DHRS12: variants seen among roughly 807,000 people sequenced by gnomAD.
DHRS12 encodes dehydrogenase/reductase 12.
DHRS12 carries 29 observed loss-of-function variants against 32.1 expected under a neutral mutation model. The observed-to-expected ratio is 0.90, with a 90% CI of 0.67 to 1.23. The LOEUF (loss-of-function observed/expected upper bound fraction) is 1.23, where lower values mean the gene tolerates loss of function less well. Among genes scored for constraint, DHRS12 ranks in the 50% most tolerant of loss-of-function variants. The probability of loss-of-function intolerance (pLI) is 0.00; values close to 1 mark genes in which losing one functional copy is unlikely to be tolerated. For missense variants in DHRS12, 330 were observed against 337.2 expected (o/e 0.98, Z 0.17); for synonymous variants, 150 against 135.9 (o/e 1.10, Z -0.72).
intron 2 of DHRS12, among the ~76,000 whole-genome samples, chr13:51,793,342 C>T (rs984331530): frequency 1.3e-5 from 2 of 152,178 alleles, no homozygotes; most frequent in Non-Finnish European, 2.9e-5. Context: ...AACCTACAGA[C>T]GAGGATCTGA....
intron 4 of DHRS12, among the ~76,000 whole-genome samples, chr13:51,787,838 CATATA>C (rs1260159139): frequency 3.7e-5 from 4 of 108,030 alleles, no homozygotes; most frequent in Non-Finnish European, 7.3e-5. Context: ...ATTATATAAA[CATATA>C]ATATATAATT....
chr13:51,779,103 G>C (rs555172135), intron 4 of DHRS12, among the ~76,000 whole-genome samples: 13 of 152,094 alleles, frequency 8.5e-5, no homozygotes, highest in Non-Finnish European at 1.5e-4. Context: ...CCATGCCAAG[G>C]AGAAGGAAGG....
At chr13:51,778,730 G>A (rs1362723773) in intron 4 of DHRS12, among the ~76,000 whole-genome samples, 1 of 152,038 alleles carries the variant, frequency 6.6e-6, no homozygotes, top group Non-Finnish European at 1.5e-5. Context: ...CCTGGGAGGT[G>A]CTCAGCTCTC....
At chr13:51,777,004 C>T (rs1252043655) in intron 5 of DHRS12, 56 bp downstream of exon 5, 43 of 1,608,540 alleles carry the variant, frequency 2.7e-5, no homozygotes, top group Non-Finnish European at 3.4e-5. Context: ...GGCCCACTGA[C>T]TTCCCATCAG....
At chr13:51,767,048 T>G (rs910434289), downstream of DHRS12, 1 of 152,280 alleles carries the variant, frequency 6.6e-6, no homozygotes, top group African/African-American at 2.4e-5. Flanking sequence ...CTTTTTCTTG[T>G]GCTTAGTAAA....
chr13:51,791,283 A>G, intron 2 of DHRS12, 26 bp from the exon 3 acceptor site: 2 of 1,377,032 alleles, frequency 1.5e-6, no homozygotes, highest in Non-Finnish European at 2.0e-6. Context: ...AAAAAAAAAA[A>G]AACCCTTTTT....
chr13:51,793,621 G>C (rs531477135), intron 2 of DHRS12, among the ~76,000 whole-genome samples: 1 of 152,292 alleles, frequency 6.6e-6, no homozygotes, highest in Non-Finnish European at 1.5e-5. Flanking sequence ...AATGTTGTCT[G>C]TACAGAGCTA....
intron 7 of DHRS12, 69 bp from the exon 8 acceptor site, chr13:51,769,362 TTA>T: frequency 5.7e-6 from 7 of 1,221,338 alleles, no homozygotes; most frequent in South Asian, 1.7e-5. Flanking sequence ...TTCCCTTAAT[TTA>T]AAAAAAAAAA....
intron 2 of DHRS12, among the ~76,000 whole-genome samples, chr13:51,793,639 T>G (rs1955380840): frequency 6.6e-6 from 1 of 152,178 alleles, no homozygotes; most frequent in African/African-American, 2.4e-5. Flanking sequence ...CTATTCTCTT[T>G]TAAAATGTCT....
chr13:51,768,671 G>A (rs914734850), intron 8 of DHRS12: 10 of 1,130,528 alleles, frequency 8.8e-6, no homozygotes, highest in African/African-American at 4.8e-5. Context: ...GCTTCCACCC[G>A]AGGTCAAGTG....
At chr13:51,756,206 G>T in the DHRS12 span, 1 of 1,365,672 alleles carries the variant, frequency 7.3e-7, no homozygotes, top group South Asian at 1.4e-5. Flanking sequence ...TAGTTCTGGG[G>T]CTCTCTTGTT....
chr13:51,755,807 C>T, the DHRS12 span, among the ~76,000 whole-genome samples: 1 of 152,100 alleles, frequency 6.6e-6, no homozygotes, highest in South Asian at 2.1e-4. Context: ...TTTACTTTCC[C>T]TCCTTCTGAT....
intron 4 of DHRS12, among the ~76,000 whole-genome samples, chr13:51,784,083 G>GA (rs1470528285): frequency 6.6e-6 from 1 of 152,218 alleles, no homozygotes; most frequent in Admixed American, 6.5e-5. Context: ...AAGGCGTGGG[G>GA]AGGTTGAGGA....
intron 6 of DHRS12, chr13:51,773,039 G>A (rs1419726413): frequency 1.5e-5 from 15 of 985,334 alleles, no homozygotes; most frequent in Middle Eastern, 5.2e-4. Flanking sequence ...GCGCCCTAGC[G>A]GGTGAATTTA....
At chr13:51,799,723 C>G (rs1955666481) in intron 1 of DHRS12, 56 bp from the exon 2 acceptor site, 1 of 1,588,162 alleles carries the variant, frequency 6.3e-7, no homozygotes, top group Admixed American at 1.7e-5. Context: ...AACACAAACC[C>G]CTGCAGGAGA....
At chr13:51,793,326 G>C (rs1955365860) in intron 2 of DHRS12, among the ~76,000 whole-genome samples, 1 of 152,216 alleles carries the variant, frequency 6.6e-6, no homozygotes, top group Non-Finnish European at 1.5e-5. Flanking sequence ...GGGCACCTAA[G>C]TATTGAACCT....
In DHRS12 at chr13:51,773,968, T is replaced by C. The variant is rs2138966869; in HGVS notation, c.430A>G (p.Thr144Ala). 6.2e-7 allele frequency: 1 copy of C among 1,614,114 alleles called. No homozygotes were observed. Residue 144 changes from threonine to alanine, a missense_variant, in exon 6 of 9, where the codon ACA becomes GCA. By Grantham distance (58) the Thr-to-Ala change is moderately conservative (BLOSUM62 0). Coordinates refer to ENST00000444610, the MANE Select transcript of DHRS12 (RefSeq NM_001377533.1). ...TAGACCATAGTTCCATCAAATGGTG[T>C]TCTTTCGGACTGGAGATCATTGGTG... ...LNTNDLQSER[T>A]PFDGTMVYAQ...
chr13:51,776,025 CCTACATGTATTCTA>C, intron 5 of DHRS12: 2 of 97,364 alleles, frequency 2.1e-5, no homozygotes, highest in Non-Finnish European at 4.1e-5. Context: ...CATGTATTCT[CCTACATGTATTCTA>C]CAGTATTCTC....
At chr13:51,761,654 T>C in the DHRS12 span, 1 of 152,244 alleles carries the variant, frequency 6.6e-6, no homozygotes, top group South Asian at 2.1e-4. Flanking sequence ...CAATCATTCA[T>C]TACTTCTCTA....
Sources: gnomAD v4.1 joint callset for allele counts (sites outside exome capture counted in the v4.1 genomes callset) on GRCh38, gnomAD v4.1.1 for gene constraint, MANE v1.5 for transcripts, NCBI Gene and HGNC (gene_info 2026-07-23, HGNC 2026-07-21) for gene names.